Variants in PSIP1 observed in about 807,000 individuals in gnomAD.
PSIP1 encodes PC4 and SRSF1 interacting protein 1, also known as PC4 and SFRS1-interacting protein.
A neutral mutation model predicts 74.7 loss-of-function variants in PSIP1; 19 were observed. That is an observed-to-expected ratio of 0.25 (90% CI 0.18 to 0.37). The LOEUF is 0.37. Among genes scored for constraint, PSIP1 ranks in the 10% least tolerant of loss-of-function variants. The pLI is 1.00. For missense variants in PSIP1, 601 were observed against 614.3 expected, an observed-to-expected ratio of 0.98 and a Z score of 0.23; for synonymous variants, 222 against 195.3, an observed-to-expected ratio of 1.14 and a Z score of -1.14.
chr9:15,506,832 T>C (rs1166293358), intron 2 of PSIP1, among the ~76,000 whole-genome samples, 195 bp from the exon 3 acceptor site: 1 of 152,194 alleles, frequency 6.6e-6, no homozygotes, highest in African/African-American at 2.4e-5. Flanking sequence ...ACTCATTTGG[T>C]GGCAAAACCT....
At position 15,465,211 on chromosome 9, in the gene PSIP1, TCTA is replaced by T. The variant is rs1183542172; in HGVS notation, c.*306_*308del. The T allele has an allele frequency of 1.8e-5, 5 of 273,662 alleles. No homozygotes were observed. The highest frequency in any genetic ancestry group is 1.4e-4 in the South Asian group (1 of 7,240). The allele number at this position is 273,662 out of a possible 1,614,324, so 17.0% of individuals were successfully genotyped here. A position where few individuals can be genotyped will look rare whatever the true frequency, so the allele number is the denominator to read the frequency against. ...AGCAGTTTTAAAAATGTAACTTTGTTCTACTATCAATTACACATTAACATACAC... is the reference window on the plus strand; with the variant it reads ...AGCAGTTTTAAAAATGTAACTTTGTTCTATCAATTACACATTAACATACAC... On this transcript the variant is annotated 3_prime_UTR_variant, in exon 16 of 16. Transcript: ENST00000380733.
Position 15,510,276 on chromosome 9 carries a change from A to G in PSIP1, c.-88T>C. The G allele has an allele frequency of 8.7e-7, 1 of 1,151,568 alleles. No individual in the cohort carries two copies. The highest frequency in any genetic ancestry group is 1.2e-6 in the Non-Finnish European group (1 of 830,086). The allele number at this position is 1,151,568 out of a possible 1,614,324, so 71.3% of individuals were successfully genotyped here. On this transcript the variant is annotated 5_prime_UTR_variant, in exon 2 of 16. Coordinates refer to ENST00000380733, the MANE Select transcript of PSIP1 (RefSeq NM_033222.5). ...GGATGCGGGCGGCGGACGCGGGCCC[A>G]GCTACCGGGCCCGCGGGCGGGGGAG...
At chr9:15,479,295 C>A (rs772406673) in intron 7 of PSIP1, among the ~76,000 whole-genome samples, 3 of 152,134 alleles carry the variant, frequency 2.0e-5, no homozygotes, top group Non-Finnish European at 2.9e-5. Context: ...ATTTTGAAAT[C>A]TTACGACTCT....
rs186340895 is a variant in PSIP1 at position 15,502,504 on chromosome 9, G to C, written c.149+4057C>G. 1.4e-4 allele frequency among the ~76,000 whole-genome samples: 22 copies of C among 152,282 alleles called. No individual in the cohort carries two copies. In the East Asian group the frequency reaches 4.1e-3, roughly 28 times the overall value. On this transcript the variant is annotated intron_variant, in intron 3 of 15. Coordinates refer to ENST00000380733, the MANE Select transcript of PSIP1 (RefSeq NM_033222.5). Reference sequence around the variant, plus strand: ...TTACAAGCCAGATTTGAACTCCTGGGATCAAGGGATCCTCCTGCCTCAGCC... The same window carrying C: ...TTACAAGCCAGATTTGAACTCCTGGCATCAAGGGATCCTCCTGCCTCAGCC...
rs768240837 is a variant in PSIP1, at chr9:15,486,945, ACT to A, written c.289-16_289-15del. 29 of 1,529,616 alleles carry A rather than the reference ACT, an allele frequency of 1.9e-5. No individual in the cohort carries two copies. The African/African-American group carries it at 2.8e-4, about 15-fold the overall frequency. 94.8% of individuals were successfully genotyped at this position (1,529,616 alleles called of 1,614,324 possible). On this transcript the variant is annotated splice_polypyrimidine_tract_variant and intron_variant, in intron 4 of 15. Transcript: ENST00000380733. ...TTTAGTTGCTGCCTGTGAGCAATCA[ACT>A]CTATTAATTTCAAAAAATAAGTTTT...
intron 6 of PSIP1, among the ~76,000 whole-genome samples, chr9:15,485,397 T>G (rs1235275261): frequency 6.6e-6 from 1 of 152,202 alleles, no homozygotes; most frequent in South Asian, 2.1e-4. Flanking sequence ...CCACTGTAAT[T>G]ATTTATTTTC....
chr9:15,476,805 CA>C (rs1018717762), intron 8 of PSIP1, among the ~76,000 whole-genome samples: 2 of 152,148 alleles, frequency 1.3e-5, no homozygotes, highest in African/African-American at 4.8e-5. Flanking sequence ...CAGACTCCAT[CA>C]AAAGAAAGTA....
intron 6 of PSIP1, 43 bp from the exon 7 acceptor site, chr9:15,479,730 GCACT>G (rs771565241): frequency 9.4e-5 from 144 of 1,523,880 alleles, no homozygotes; most frequent in Middle Eastern, 5.1e-4. Flanking sequence ...CAAATAGTAG[GCACT>G]CAAAGTTTAA....
chr9:15,496,628 T>C (rs2132179662), intron 3 of PSIP1, among the ~76,000 whole-genome samples: 1 of 152,312 alleles, frequency 6.6e-6, no homozygotes, highest in Middle Eastern at 3.4e-3. Context: ...TTGCTCCTAC[T>C]CCCAGATTCA....
chr9:15,471,218 T>C, intron 10 of PSIP1: 1 of 1,606,032 alleles, frequency 6.2e-7, no homozygotes, highest in Admixed American at 1.7e-5. Context: ...TACTGTAGAT[T>C]ACATGTTGTT....
chr9:15,471,938 T>C, intron 10 of PSIP1: 1 of 976,056 alleles, frequency 1.0e-6, no homozygotes, highest in Non-Finnish European at 1.2e-6. Context: ...GAGAAAGAAC[T>C]CAGAAGTGAC....
chr9:15,497,826 C>A lies in PSIP1; in HGVS notation c.150-7702G>T, dbSNP rs187499021. On this transcript the variant is annotated intron_variant, in intron 3 of 15. Transcript: ENST00000380733. Reference sequence around the variant, plus strand: ...TATCCTATCAAAGTAAACTAATCCACAATCTCACCAACTAAATCTACTGTT... The same window carrying A: ...TATCCTATCAAAGTAAACTAATCCAAAATCTCACCAACTAAATCTACTGTT... 9.8e-4 allele frequency among the ~76,000 whole-genome samples: 149 copies of A among 152,266 alleles called. 1 individual carries two copies. The highest frequency in any genetic ancestry group is 3.4e-3 in the African/African-American group (143 of 41,548).
intron 3 of PSIP1, among the ~76,000 whole-genome samples, chr9:15,503,896 A>G (rs1217351087): frequency 6.6e-6 from 1 of 152,074 alleles, no homozygotes; most frequent in Non-Finnish European, 1.5e-5. Flanking sequence ...ACAGGTGCAC[A>G]CTACCATGCC....
At chr9:15,485,106 G>A (rs1441130099) in intron 6 of PSIP1, among the ~76,000 whole-genome samples, 1 of 152,094 alleles carries the variant, frequency 6.6e-6, no homozygotes, top group Non-Finnish European at 1.5e-5. Flanking sequence ...TTTTTTAAAA[G>A]GAGGTATCTA....
At chr9:15,497,021 A>C (rs754972489) in intron 3 of PSIP1, among the ~76,000 whole-genome samples, 1 of 152,208 alleles carries the variant, frequency 6.6e-6, no homozygotes, top group Non-Finnish European at 1.5e-5. Flanking sequence ...GAGTTTTCTC[A>C]AAACGTTAAA....
At chr9:15,472,801 T>C in intron 9 of PSIP1, 51 bp from the exon 10 acceptor site, 1 of 1,473,724 alleles carries the variant, frequency 6.8e-7, no homozygotes, top group Non-Finnish European at 9.2e-7. Context: ...CAGTGACTAG[T>C]GCTTATGGAA....
At chr9:15,498,528 C>A (rs796864109) in intron 3 of PSIP1, among the ~76,000 whole-genome samples, 109 of 152,000 alleles carry the variant, frequency 7.2e-4, no homozygotes, top group African/African-American at 2.4e-3. Flanking sequence ...CTTCCTTGGG[C>A]ACGCAGTCCG....
intron 3 of PSIP1, among the ~76,000 whole-genome samples, chr9:15,502,542 G>A (rs2037396032): frequency 6.6e-6 from 1 of 152,210 alleles, no homozygotes; most frequent in Non-Finnish European, 1.5e-5. Context: ...CTGAGTAGCT[G>A]GGACTACAGA....
At chr9:15,469,387 A>G (rs1240503186) in intron 11 of PSIP1, 51 bp from the exon 12 acceptor site, 2 of 1,159,308 alleles carry the variant, frequency 1.7e-6, no homozygotes, top group Non-Finnish European at 2.5e-6. Flanking sequence ...CAAAACCAGT[A>G]TTTCTATATA....
Sources: gnomAD v4.1 joint callset for allele counts (sites outside exome capture counted in the v4.1 genomes callset) on GRCh38, gnomAD v4.1.1 for gene constraint, MANE v1.5 for transcripts, NCBI Gene and HGNC (gene_info 2026-07-23, HGNC 2026-07-21) for gene names.